Variants in ZNF398 observed in about 807,000 individuals in gnomAD.
ZNF398 encodes the protein zinc finger DNA binding protein ZER6.
In ZNF398, 18 loss-of-function variants were observed where a neutral mutation model predicts 41.9. That is an observed-to-expected ratio of 0.43 (90% CI 0.30 to 0.64). The LOEUF (loss-of-function observed/expected upper bound fraction) is 0.64, where lower values mean the gene tolerates loss of function less well. ZNF398 is among the 30% of genes least tolerant of loss of function. The pLI is 0.14. For synonymous variants in ZNF398, 260 were observed against 308.8 expected, an observed-to-expected ratio of 0.84 and a Z score of 1.66; for missense variants, 669 against 822.8, an observed-to-expected ratio of 0.81 and a Z score of 2.29.
intron 1 of ZNF398, among the ~76,000 whole-genome samples, chr7:149,152,263 C>CTTTTTTT (rs71192760): frequency 7.3e-6 from 1 of 136,444 alleles, no homozygotes; most frequent in East Asian, 2.1e-4. Context: ...TTAAAGATTT[C>CTTTTTTT]TTTTTTTTTT....
At chr7:149,149,305 C>A (rs562357996) in intron 1 of ZNF398, among the ~76,000 whole-genome samples, 1 of 152,070 alleles carries the variant, frequency 6.6e-6, no homozygotes, top group East Asian at 1.9e-4. Flanking sequence ...GCCATCTGGG[C>A]TCACTGCAAC....
chr7:149,171,976 G>A (rs559582193), intron 4 of ZNF398, among the ~76,000 whole-genome samples: 1 of 152,256 alleles, frequency 6.6e-6, no homozygotes, highest in South Asian at 2.1e-4. Flanking sequence ...ACAGTGGCCT[G>A]TTTTTGACCA....
intron 5 of ZNF398, among the ~76,000 whole-genome samples, chr7:149,176,976 G>T (rs1407275966): frequency 6.6e-6 from 1 of 152,022 alleles, no homozygotes; most frequent in African/African-American, 2.4e-5. Flanking sequence ...TTAATTAAGA[G>T]CCCTCCCTCA....
intron 1 of ZNF398, among the ~76,000 whole-genome samples, chr7:149,127,606 C>A (rs1405393495): frequency 8.0e-5 from 12 of 150,268 alleles, no homozygotes; most frequent in Admixed American, 2.0e-4. Flanking sequence ...AGTCCCAGCT[C>A]CTAGGGAGGC....
chr7:149,181,914 G>T lies in ZNF398; in HGVS notation c.*2113G>T, dbSNP rs1795600784. 6.6e-6 allele frequency: 1 copy of T among 152,170 alleles called. No homozygotes were observed. The highest frequency in any genetic ancestry group is 2.4e-5 in the African/African-American group (1 of 41,444). The allele number at this position is 152,170 out of a possible 1,614,324, so 9.4% of individuals were successfully genotyped here. Reference sequence around the variant, plus strand: ...TGAATGTGAGATTCAGCTCTAGTTTGCACCTTGATTTCCCCAGTGAAAAGG... The same window carrying T: ...TGAATGTGAGATTCAGCTCTAGTTTTCACCTTGATTTCCCCAGTGAAAAGG... On this transcript the variant is annotated 3_prime_UTR_variant, in exon 6 of 6. Transcript: ENST00000475153.
intron 2 of ZNF398, among the ~76,000 whole-genome samples, chr7:149,131,592 A>G (rs1563152091): frequency 6.6e-6 from 1 of 152,286 alleles, no homozygotes; most frequent in East Asian, 1.9e-4. Context: ...AGGCTGAGGC[A>G]GGAGAATTGC....
chr7:149,151,135 T>A, intron 1 of ZNF398: 4 of 777,086 alleles, frequency 5.1e-6, no homozygotes, highest in Non-Finnish European at 6.6e-6. Context: ...CACAAGTCAG[T>A]GTTGAGATCC....
At chr7:149,171,201 A>C (rs1795332269) in intron 4 of ZNF398, among the ~76,000 whole-genome samples, 1 of 151,280 alleles carries the variant, frequency 6.6e-6, no homozygotes, top group Non-Finnish European at 1.5e-5. Context: ...ATTACTTTAT[A>C]ATACAGTAAT....
Position 149,166,181 on chromosome 7 carries a change from CT to C in ZNF398, c.445del (p.Ser149ProfsTer12), listed in dbSNP as rs1358649293. On this transcript the variant is annotated frameshift_variant, in exon 3 of 6. Transcript: ENST00000475153. LOFTEE classifies it high-confidence loss of function. ...PKVPVAFDDV[S>X]IYFSTPEWEK... is the part of the protein sequence containing the mutation. ...AGGTGCCTGTGGCATTTGATGATGT[CT>C]CCATCTACTTTTCCACTCCAGAGTG... The C allele has an allele frequency of 6.2e-7, 1 of 1,614,014 alleles. No individual in the cohort carries two copies. The highest frequency in any genetic ancestry group is 8.5e-7 in the Non-Finnish European group (1 of 1,179,986).
In ZNF398 at chr7:149,179,054, C is replaced by G. The variant is rs766917340; in HGVS notation, c.1182C>G (p.Ser394Arg). Residue 394 changes from serine to arginine, a missense_variant, in exon 6 of 6, where the codon AGC becomes AGG. Ser to Arg is a moderately radical substitution (Grantham distance 110). Around this residue, in one of 3 missense-constraint regions of ZNF398, gnomAD observed 290 missense variants for 292.9 expected, o/e 0.99. Coordinates refer to ENST00000475153, the MANE Select transcript of ZNF398 (RefSeq NM_170686.3). The surrounding 1 kb of genome is among the most constrained non-coding windows in gnomAD (Gnocchi z 6.1). ...DLSSTSQDHA[S>R]ETPPTCPHCA... ...GCAGCACCTCCCAGGACCATGCCAG[C>G]GAGACACCCCCCACCTGCCCACACT... The G allele has an allele frequency of 7.4e-6, 12 of 1,613,948 alleles. No homozygotes were observed. The highest frequency in any genetic ancestry group is 1.0e-5 in the Non-Finnish European group (12 of 1,179,990).
chr7:149,161,059 T>G (rs1461536457), intron 2 of ZNF398, among the ~76,000 whole-genome samples: 1 of 151,992 alleles, frequency 6.6e-6, no homozygotes, highest in Non-Finnish European at 1.5e-5. Flanking sequence ...TCCTCAGATT[T>G]CCCCAGCGCC....
upstream of ZNF398, among the ~76,000 whole-genome samples, chr7:149,143,594 A>C (rs1248446448): frequency 6.6e-6 from 1 of 152,220 alleles, no homozygotes; most frequent in Non-Finnish European, 1.5e-5. Context: ...TGGGCAGATC[A>C]CCTGAGGTCA....
chr7:149,152,263 CT>C (rs71192760), intron 1 of ZNF398, among the ~76,000 whole-genome samples: 31 of 136,442 alleles, frequency 2.3e-4, no homozygotes, highest in South Asian at 6.8e-4. Flanking sequence ...TTAAAGATTT[CT>C]TTTTTTTTTT....
intron 1 of ZNF398, among the ~76,000 whole-genome samples, chr7:149,126,893 C>A (rs1453446799): frequency 6.6e-6 from 1 of 152,124 alleles, no homozygotes; most frequent in African/African-American, 2.4e-5. Flanking sequence ...GGGTGCAGCG[C>A]CCTTCTGGGC....
intron 2 of ZNF398, among the ~76,000 whole-genome samples, chr7:149,138,070 G>A (rs868855312): frequency 1.3e-5 from 2 of 151,874 alleles, no homozygotes; most frequent in South Asian, 2.1e-4. Flanking sequence ...GCATGGTGGC[G>A]CACGCCTGTG....
At chr7:149,143,263 G>A (rs1001401215), upstream of ZNF398, among the ~76,000 whole-genome samples, 1 of 152,146 alleles carries the variant, frequency 6.6e-6, no homozygotes, top group Non-Finnish European at 1.5e-5. Context: ...AAAGCTGATC[G>A]GATAAAGGCT....
chr7:149,154,727 G>A (rs1052677871), intron 2 of ZNF398, among the ~76,000 whole-genome samples: 5 of 151,980 alleles, frequency 3.3e-5, no homozygotes, highest in Non-Finnish European at 7.4e-5. Flanking sequence ...GGCTGGGCGC[G>A]GTGGCTCATC....
chr7:149,180,689 A>G lies in ZNF398; in HGVS notation c.*888A>G, dbSNP rs145334146. The G allele has an allele frequency of 5.7e-4, 87 of 152,260 alleles. No homozygotes were observed. Among genetic ancestry groups the G allele is most frequent in the African/African-American group, 2.0e-3 (84 of 41,556 alleles). 9.4% of individuals were successfully genotyped at this position (152,260 alleles called of 1,614,324 possible). A position where few individuals can be genotyped will look rare whatever the true frequency, so the allele number is the denominator to read the frequency against. On this transcript the variant is annotated 3_prime_UTR_variant, in exon 6 of 6. Transcript: ENST00000475153. The stretch of plus-strand genomic sequence containing the variant: ...CATGTTCTGAGAGTCGTTCACATCA[A>G]ATTCTTATCTTTTCCAAGCCAGTAA...
upstream of ZNF398, chr7:149,126,412 G>A (rs757266310): frequency 2.2e-5 from 24 of 1,080,628 alleles, no homozygotes; most frequent in Admixed American, 3.3e-5. Context: ...GCCGCCAGAG[G>A]GAGTCGGTCC....
Sources: gnomAD v4.1 joint callset for allele counts (sites outside exome capture counted in the v4.1 genomes callset) on GRCh38, gnomAD v4.1.1 for gene constraint, gnomAD v4.1.1 regional missense constraint, Gnocchi (gnomAD v3.1) non-coding constraint, MANE v1.5 for transcripts, NCBI Gene and HGNC (gene_info 2026-07-23, HGNC 2026-07-21) for gene names.